The following PCDH9 variants were observed in gnomAD, a reference collection of about 807,000 sequenced individuals.
PCDH9 encodes the protein protocadherin-9.
In PCDH9, 24 loss-of-function variants were observed where a neutral mutation model predicts 70.6. The ratio of observed to expected loss-of-function variants is 0.34; its 90% CI spans 0.25 to 0.48. The LOEUF (loss-of-function observed/expected upper bound fraction) is 0.48, where lower values mean the gene tolerates loss of function less well. Among genes scored for constraint, PCDH9 ranks in the 20% least tolerant of loss-of-function variants. The pLI, the probability that PCDH9 is intolerant of heterozygous loss-of-function variation, is 0.99. For missense variants in PCDH9, 1,281 were observed against 1,503.6 expected (o/e 0.85, Z 2.45); for synonymous variants, 562 against 558.5 (o/e 1.01, Z -0.09).
chr13:67,205,273 A>C (rs555676324), intron 2 of PCDH9: 1 of 152,326 alleles, frequency 6.6e-6, no homozygotes, highest in East Asian at 1.9e-4. Context: ...TGATCTATCT[A>C]AAATAGTCCC....
At chr13:66,447,402 T>A (rs1958115020) in intron 4 of PCDH9, among the ~76,000 whole-genome samples, 1 of 152,084 alleles carries the variant, frequency 6.6e-6, no homozygotes, top group Admixed American at 6.6e-5. Context: ...TAACTGGGAA[T>A]AATTACCACA....
chr13:66,892,009 T>C (rs1431771759), intron 3 of PCDH9, among the ~76,000 whole-genome samples: 2 of 151,834 alleles, frequency 1.3e-5, no homozygotes, highest in Admixed American at 6.6e-5. Flanking sequence ...AAGTTGGAAA[T>C]AAATGATGTG....
chr13:66,455,079 C>T (rs1053800384), intron 4 of PCDH9, among the ~76,000 whole-genome samples: 2 of 151,924 alleles, frequency 1.3e-5, no homozygotes, highest in Non-Finnish European at 2.9e-5. Flanking sequence ...TGTCGTTATA[C>T]AGAAAAAATA....
intron 4 of PCDH9, among the ~76,000 whole-genome samples, chr13:66,326,818 A>C (rs1012563502): frequency 7.3e-5 from 11 of 151,472 alleles, no homozygotes; most frequent in African/African-American, 2.5e-4. Flanking sequence ...ACATAAAAAT[A>C]AATGTATGAA....
intron 2 of PCDH9, among the ~76,000 whole-genome samples, chr13:66,944,616 G>C (rs2083057199): frequency 6.6e-6 from 1 of 152,076 alleles, no homozygotes; most frequent in African/African-American, 2.4e-5. Context: ...CTTTTCTTAA[G>C]CCAGCTGCCC....
chr13:66,437,284 G>A (rs1957885980), intron 4 of PCDH9, among the ~76,000 whole-genome samples: 2 of 150,908 alleles, frequency 1.3e-5, no homozygotes, highest in African/African-American at 4.9e-5. Flanking sequence ...GCGGGCGCCT[G>A]TAGTCCCAGC....
intron 4 of PCDH9, among the ~76,000 whole-genome samples, chr13:66,383,678 T>G (rs1168638145): frequency 2.0e-5 from 3 of 152,192 alleles, no homozygotes; most frequent in Non-Finnish European, 2.9e-5. Flanking sequence ...TTTCTTACAA[T>G]CATTCTAATT....
intron 3 of PCDH9, among the ~76,000 whole-genome samples, chr13:66,646,611 C>T (rs777715749): frequency 3.9e-5 from 6 of 152,024 alleles, no homozygotes; most frequent in Admixed American, 6.6e-5. Flanking sequence ...CTTATCTGCT[C>T]AGAAAAAAAT....
At chr13:66,933,642 T>C (rs2082853261) in intron 2 of PCDH9, among the ~76,000 whole-genome samples, 1 of 152,150 alleles carries the variant, frequency 6.6e-6, no homozygotes, top group African/African-American at 2.4e-5. Flanking sequence ...TAGTTGTTCC[T>C]TTTTCTGTCA....
At chr13:67,128,691 C>T (rs1422624656) in intron 2 of PCDH9, among the ~76,000 whole-genome samples, 1 of 152,190 alleles carries the variant, frequency 6.6e-6, no homozygotes, top group Non-Finnish European at 1.5e-5. Context: ...AGTAGAGCCT[C>T]TGTTACCACT....
chr13:66,834,991 A>G lies in PCDH9; in HGVS notation c.3138+68513T>C, dbSNP rs140795109. Among the ~76,000 whole-genome samples the G allele has an allele frequency of 2.9e-3, 446 of 152,334 alleles. 2 individuals carry two copies. Among genetic ancestry groups the G allele is most frequent in the African/African-American group, 0.01 (423 of 41,584 alleles). ...TTTAAACTTAAAAACAATAACCTAA[A>G]TAATTGGGACAGATCCATAATCATT... On this transcript the variant is annotated intron_variant, in intron 3 of 4. Coordinates refer to ENST00000377865, the MANE Select transcript of PCDH9 (RefSeq NM_203487.3).
intron 3 of PCDH9, among the ~76,000 whole-genome samples, chr13:66,874,001 C>T (rs1477571208): frequency 2.2e-5 from 3 of 139,332 alleles, no homozygotes; most frequent in African/African-American, 8.2e-5. Flanking sequence ...AGTGAAGTGG[C>T]ACAGGCATGG....
intron 1 of PCDH9, among the ~76,000 whole-genome samples, chr13:67,228,961 A>G (rs2138153829): frequency 6.6e-6 from 1 of 152,318 alleles, no homozygotes; most frequent in African/African-American, 2.4e-5. Context: ...GTATTTAGCT[A>G]CGGTTCCTGC....
chr13:66,500,512 T>C (rs1959171611), intron 4 of PCDH9, among the ~76,000 whole-genome samples: 1 of 152,144 alleles, frequency 6.6e-6, no homozygotes, highest in South Asian at 2.1e-4. Flanking sequence ...TTTGTTTGTT[T>C]GTTTTTTTAA....
intron 3 of PCDH9, among the ~76,000 whole-genome samples, chr13:66,874,914 AGTGTGT>A (rs36045690): frequency 5.1e-5 from 7 of 137,404 alleles, no homozygotes; most frequent in South Asian, 2.5e-4. Flanking sequence ...CAAAAGCAGC[AGTGTGT>A]GTGTGTGTGT....
At chr13:66,713,034 C>T (rs989590445) in intron 3 of PCDH9, among the ~76,000 whole-genome samples, 7 of 152,146 alleles carry the variant, frequency 4.6e-5, no homozygotes, top group African/African-American at 1.4e-4. Flanking sequence ...TTCCAGTGAA[C>T]GTGTTAGTTA....
intron 3 of PCDH9, among the ~76,000 whole-genome samples, chr13:66,853,878 A>T (rs2081353945): frequency 6.6e-6 from 1 of 152,174 alleles, no homozygotes; most frequent in Non-Finnish European, 1.5e-5. Flanking sequence ...CCCAGCTATG[A>T]ATCATTTTTA....
chr13:67,055,901 C>T (rs1454653422), intron 2 of PCDH9, among the ~76,000 whole-genome samples: 1 of 152,070 alleles, frequency 6.6e-6, no homozygotes, highest in Non-Finnish European at 1.5e-5. Context: ...GCCTATGATA[C>T]CAGCACTTTG....
At chr13:66,477,691 T>C (rs140713180) in intron 4 of PCDH9, among the ~76,000 whole-genome samples, 87 of 152,334 alleles carry the variant, frequency 5.7e-4, no homozygotes, top group African/African-American at 2.0e-3. Context: ...CATATTATGT[T>C]TTCTACAGAA....
Sources: allele counts gnomAD v4.1 joint callset (sites outside exome capture counted in the v4.1 genomes callset), GRCh38; gene constraint gnomAD v4.1.1; transcripts MANE v1.5; gene names NCBI Gene and HGNC (gene_info 2026-07-23, HGNC 2026-07-21).